AKAP19: variants seen among roughly 807,000 people sequenced by gnomAD.
The protein encoded by AKAP19 is small A-kinase anchoring protein.
chr2:189,971,353 T>C, the AKAP19 span, among the ~76,000 whole-genome samples: 3 of 152,360 alleles, frequency 2.0e-5, no homozygotes, highest in South Asian at 4.1e-4. Flanking sequence ...ATGGTGTATA[T>C]GTGCCACATT....
At chr2:190,184,855 G>C in the AKAP19 span, among the ~76,000 whole-genome samples, 1 of 151,990 alleles carries the variant, frequency 6.6e-6, no homozygotes, top group Middle Eastern at 3.2e-3. Flanking sequence ...AAGTCCATTG[G>C]GTAAAAACAG....
chr2:190,158,060 T>C, the AKAP19 span, among the ~76,000 whole-genome samples: 4 of 152,318 alleles, frequency 2.6e-5, no homozygotes, highest in Non-Finnish European at 5.9e-5. Flanking sequence ...TAGAAGAACA[T>C]TGTGAAACTC....
At chr2:190,166,795 A>G in the AKAP19 span, among the ~76,000 whole-genome samples, 1 of 152,184 alleles carries the variant, frequency 6.6e-6, no homozygotes, top group African/African-American at 2.4e-5. Context: ...CCTACAACAA[A>G]CATTGTAGTA....
the AKAP19 span, among the ~76,000 whole-genome samples, chr2:190,084,742 T>C: frequency 6.6e-6 from 1 of 152,204 alleles, no homozygotes; most frequent in Non-Finnish European, 1.5e-5. Flanking sequence ...TACGATAACC[T>C]AACTTTCAAC....
the AKAP19 span, among the ~76,000 whole-genome samples, chr2:190,009,200 T>C: frequency 3.9e-5 from 6 of 152,146 alleles, no homozygotes; most frequent in Non-Finnish European, 8.8e-5. Flanking sequence ...GTAGAGGACT[T>C]TGTCTTTTAT....
chr2:190,074,611 C>A, the AKAP19 span, among the ~76,000 whole-genome samples: 1 of 151,302 alleles, frequency 6.6e-6, no homozygotes, highest in African/African-American at 2.4e-5. Context: ...AGATATCACA[C>A]CACTGCACTC....
the AKAP19 span, among the ~76,000 whole-genome samples, chr2:190,197,504 T>A: frequency 6.6e-6 from 1 of 152,198 alleles, no homozygotes; most frequent in African/African-American, 2.4e-5. The surrounding 1 kb of genome is among the most constrained non-coding windows in gnomAD (Gnocchi z 4.0). Context: ...CTCTTCCCAA[T>A]CTTGAACTCT....
the AKAP19 span, among the ~76,000 whole-genome samples, chr2:189,986,757 T>C: frequency 1.3e-5 from 2 of 152,146 alleles, no homozygotes; most frequent in Non-Finnish European, 2.9e-5. Flanking sequence ...CATATCCTTG[T>C]CACTTTTAGT....
the AKAP19 span, among the ~76,000 whole-genome samples, chr2:190,107,959 G>T: frequency 6.6e-6 from 1 of 152,178 alleles, no homozygotes; most frequent in South Asian, 2.1e-4. Flanking sequence ...ACTTGCTCAA[G>T]TTAACAAAGG....
At chr2:190,022,512 T>A in the AKAP19 span, among the ~76,000 whole-genome samples, 1 of 152,186 alleles carries the variant, frequency 6.6e-6, no homozygotes, top group African/African-American at 2.4e-5. Flanking sequence ...CATTGAATAA[T>A]TCACTTTCAC....
At chr2:190,122,036 G>A in the AKAP19 span, among the ~76,000 whole-genome samples, 1 of 152,182 alleles carries the variant, frequency 6.6e-6, no homozygotes, top group African/African-American at 2.4e-5. Flanking sequence ...TGAACTGATT[G>A]ATAAACTGAG....
chr2:189,963,634 TGA>T, the AKAP19 span, among the ~76,000 whole-genome samples: 1 of 152,230 alleles, frequency 6.6e-6, no homozygotes. Context: ...CTGTGAATGT[TGA>T]GAGTTTGATT....
chr2:190,046,616 GGCACCA>G, the AKAP19 span, among the ~76,000 whole-genome samples: 13 of 152,266 alleles, frequency 8.5e-5, no homozygotes, highest in African/African-American at 3.1e-4. Context: ...GTGCGTCAGA[GGCACCA>G]GCATCTTTCC....
chr2:189,971,251 G>A, the AKAP19 span, among the ~76,000 whole-genome samples: 1 of 151,988 alleles, frequency 6.6e-6, no homozygotes, highest in African/African-American at 2.4e-5. Context: ...TTTTGTCCTT[G>A]CGATAGTTTG....
the AKAP19 span, among the ~76,000 whole-genome samples, chr2:189,963,774 T>A: frequency 6.6e-6 from 1 of 151,982 alleles, no homozygotes; most frequent in East Asian, 1.9e-4. Context: ...ATTTCTTTTT[T>A]TTTTTTTGAG....
chr2:190,143,937 C>T, the AKAP19 span, among the ~76,000 whole-genome samples: 20 of 143,672 alleles, frequency 1.4e-4, no homozygotes, highest in Middle Eastern at 3.4e-3. Context: ...AACCAAACAC[C>T]GCATATTCTC....
the AKAP19 span, among the ~76,000 whole-genome samples, chr2:190,144,133 G>A: frequency 6.7e-6 from 1 of 148,630 alleles, no homozygotes; most frequent in African/African-American, 2.5e-5. Flanking sequence ...TAACTAACCT[G>A]CACAATGTGC....
At chr2:190,135,276 C>T in the AKAP19 span, among the ~76,000 whole-genome samples, 1 of 152,084 alleles carries the variant, frequency 6.6e-6, no homozygotes, top group South Asian at 2.1e-4. Context: ...CTAGCATTTC[C>T]CTTTGTTCTT....
the AKAP19 span, among the ~76,000 whole-genome samples, chr2:189,983,526 G>A: frequency 2.6e-4 from 40 of 152,202 alleles, no homozygotes; most frequent in Admixed American, 6.5e-5. Context: ...TGCTGTATCT[G>A]CAACAATATG....
Sources: allele counts gnomAD v4.1 joint callset (sites outside exome capture counted in the v4.1 genomes callset), GRCh38; gene constraint gnomAD v4.1.1; non-coding constraint Gnocchi (gnomAD v3.1); transcripts MANE v1.5; gene names NCBI Gene and HGNC (gene_info 2026-07-23, HGNC 2026-07-21).